HACE1: variants seen among roughly 807,000 people sequenced by gnomAD.
HACE1 encodes the protein E3 ubiquitin-protein ligase HACE1.
Under a neutral mutation model 118.4 loss-of-function variants are expected in HACE1, and 73 were observed. The ratio of observed to expected loss-of-function variants is 0.62; its 90% CI spans 0.51 to 0.75. HACE1 has a LOEUF of 0.75. HACE1 is among the 30% of genes least tolerant of loss of function. HACE1 has a pLI of 0.00. For synonymous variants in HACE1, 368 were observed against 374.8 expected, an observed-to-expected ratio of 0.98 and a Z score of 0.21; for missense variants, 749 against 1,102.2, an observed-to-expected ratio of 0.68 and a Z score of 4.54.
chr6:104,749,983 T>C (rs550024461), intron 20 of HACE1, among the ~76,000 whole-genome samples: 120 of 152,144 alleles, frequency 7.9e-4, no homozygotes, highest in Non-Finnish European at 1.3e-3. Flanking sequence ...AAGAAGTTAG[T>C]ATCAGCGCCC....
intron 7 of HACE1, among the ~76,000 whole-genome samples, chr6:104,802,134 T>C (rs550777484): frequency 6.7e-6 from 1 of 149,636 alleles, no homozygotes; most frequent in South Asian, 2.1e-4. Context: ...CATTACATAA[T>C]GGTAAAGGAA....
intron 5 of HACE1, among the ~76,000 whole-genome samples, chr6:104,839,422 A>G (rs997690680): frequency 2.6e-5 from 4 of 152,234 alleles, no homozygotes; most frequent in African/African-American, 9.6e-5. Flanking sequence ...GCCAATCCCC[A>G]AAGGTTCCAT....
At chr6:104,816,879 T>G (rs989250674) in intron 6 of HACE1, among the ~76,000 whole-genome samples, 1 of 152,200 alleles carries the variant, frequency 6.6e-6, no homozygotes, top group African/African-American at 2.4e-5. Context: ...GCCCTGGATA[T>G]GAGACACGGA....
At chr6:104,832,274 T>G (rs1381310897) in intron 6 of HACE1, among the ~76,000 whole-genome samples, 1 of 152,182 alleles carries the variant, frequency 6.6e-6, no homozygotes, top group East Asian at 1.9e-4. Flanking sequence ...ATATACTACA[T>G]TTAAAAATTT....
chr6:104,778,113 G>C (rs1321262810), intron 14 of HACE1, among the ~76,000 whole-genome samples: 2 of 152,092 alleles, frequency 1.3e-5, no homozygotes, highest in East Asian at 3.9e-4. Context: ...GCAGAAATTG[G>C]AACGTAATTT....
rs774306799 is a variant in HACE1 at position 104,730,431 on chromosome 6, C to T, written c.2514-15G>A. 2 of 1,087,204 alleles carry T rather than the reference C, an allele frequency of 1.8e-6. No homozygotes were observed. The highest frequency in any genetic ancestry group is 1.5e-5 in the African/African-American group (1 of 65,066). The allele number at this position is 1,087,204 out of a possible 1,614,324, so 67.3% of individuals were successfully genotyped here. A position where few individuals can be genotyped will look rare whatever the true frequency, so the allele number is the denominator to read the frequency against. On this transcript the variant is annotated splice_polypyrimidine_tract_variant and intron_variant, in intron 22 of 23. Transcript: ENST00000262903. ...GGACCCTGGAACTAAGAGTTTATAT[C>T]TTAATACATTGTAATCATGAAAGAA...
In HACE1 at chr6:104,746,817, G is replaced by C. The variant is rs541331879; in HGVS notation, c.2344-2207C>G. Among the ~76,000 whole-genome samples, 68 of 152,262 alleles carry C rather than the reference G, an allele frequency of 4.5e-4. 1 individual carries two copies. Reference sequence around the variant, plus strand: ...GGTTTGCTAAAAGGGAGTGGGACAGGCTTTACGCATGTCTTACAATTCATG... The same window carrying C: ...GGTTTGCTAAAAGGGAGTGGGACAGCCTTTACGCATGTCTTACAATTCATG... On this transcript the variant is annotated intron_variant, in intron 20 of 23. Coordinates refer to ENST00000262903, the MANE Select transcript of HACE1 (RefSeq NM_020771.4).
chr6:104,737,304 A>AG (rs1775981653), intron 22 of HACE1, among the ~76,000 whole-genome samples: 1 of 150,852 alleles, frequency 6.6e-6, no homozygotes, highest in Admixed American at 6.6e-5. Context: ...AAAAAAAAAA[A>AG]AAAGAAAATT....
At chr6:104,807,815 C>G (rs1582578966) in intron 7 of HACE1, among the ~76,000 whole-genome samples, 1 of 152,110 alleles carries the variant, frequency 6.6e-6, no homozygotes, top group East Asian at 1.9e-4. Context: ...GAGAAGAAAA[C>G]TGGCTGGAAA....
At chr6:104,859,533 C>T (rs1777098335) in intron 1 of HACE1, 34 bp downstream of exon 1, 1 of 1,479,102 alleles carries the variant, frequency 6.8e-7, no homozygotes, top group Admixed American at 2.2e-5. Flanking sequence ...CGCCCCCAGC[C>T]CCGCGGCCAG....
intron 6 of HACE1, among the ~76,000 whole-genome samples, chr6:104,831,530 A>G (rs1773868197): frequency 6.6e-6 from 1 of 151,820 alleles, no homozygotes; most frequent in Non-Finnish European, 1.5e-5. Flanking sequence ...GGTTGCAGTA[A>G]GCTGAGATTA....
At chr6:104,844,049 T>TC (rs1160990009) in intron 4 of HACE1, among the ~76,000 whole-genome samples, 12 of 150,476 alleles carry the variant, frequency 8.0e-5, no homozygotes, top group Non-Finnish European at 1.0e-4. Context: ...TTTTTTTTTT[T>TC]CTGTGATGGA....
chr6:104,757,647 G>A (rs1039002796), intron 19 of HACE1, among the ~76,000 whole-genome samples: 3 of 152,172 alleles, frequency 2.0e-5, no homozygotes, highest in East Asian at 1.9e-4. Context: ...ACCTCCAAAG[G>A]AACACAACTC....
chr6:104,811,459 T>C, intron 6 of HACE1, 66 bp from the exon 7 acceptor site: 1 of 781,290 alleles, frequency 1.3e-6, no homozygotes, highest in Non-Finnish European at 2.3e-6. Flanking sequence ...ATTACCACAA[T>C]TTTAATCCAT....
At chr6:104,797,238 C>T (rs1769756808) in intron 7 of HACE1, among the ~76,000 whole-genome samples, 1 of 151,898 alleles carries the variant, frequency 6.6e-6, no homozygotes, top group Non-Finnish European at 1.5e-5. Flanking sequence ...AATTTTAGAA[C>T]TGAATTTGTG....
chr6:104,736,414 A>G (rs1346627113), intron 22 of HACE1, among the ~76,000 whole-genome samples: 1 of 152,056 alleles, frequency 6.6e-6, no homozygotes, highest in Non-Finnish European at 1.5e-5. Context: ...AACCCTGAGT[A>G]GCTGGGACCA....
intron 19 of HACE1, among the ~76,000 whole-genome samples, chr6:104,756,422 A>AT (rs1562298581): frequency 1.2e-4 from 16 of 129,672 alleles, no homozygotes; most frequent in African/African-American, 4.5e-4. Flanking sequence ...AAAAAAAAAA[A>AT]AAAAATATAT....
intron 10 of HACE1, among the ~76,000 whole-genome samples, chr6:104,794,924 ATG>A (rs982379676): frequency 4.0e-5 from 6 of 151,172 alleles, no homozygotes; most frequent in Admixed American, 6.6e-5. Context: ...AATTGTATAT[ATG>A]TGTGTGTGTG....
Position 104,853,022 on chromosome 6 carries a change from T to C in HACE1, c.77-651A>G, listed in dbSNP as rs368418229. 4.6e-5 allele frequency among the ~76,000 whole-genome samples: 7 copies of C among 152,184 alleles called. No homozygotes were observed. The East Asian group carries it at 5.8e-4, about 13-fold the overall frequency. On this transcript the variant is annotated intron_variant, in intron 1 of 23. Coordinates refer to ENST00000262903, the MANE Select transcript of HACE1 (RefSeq NM_020771.4). ...TTTGAATGCATCTACCAAAAGTTCA[T>C]GTGTTGGAAATTTGGTTGCTATTAT...
Sources: gnomAD v4.1 joint callset for allele counts (sites outside exome capture counted in the v4.1 genomes callset) on GRCh38, gnomAD v4.1.1 for gene constraint, MANE v1.5 for transcripts, NCBI Gene and HGNC (gene_info 2026-07-23, HGNC 2026-07-21) for gene names.